PCSK5: variants seen among roughly 807,000 people sequenced by gnomAD.
PCSK5 encodes the protein proprotein convertase subtilisin/kexin type 5, also known as prohormone convertase 5.
PCSK5 carries 129 observed loss-of-function variants against 233.2 expected under a neutral mutation model. The observed-to-expected ratio is 0.55, with a 90% CI of 0.48 to 0.64. The LOEUF (loss-of-function observed/expected upper bound fraction) is 0.64. Ranked by LOEUF, PCSK5 falls within the 30% of genes least tolerant of loss-of-function variation. The probability of loss-of-function intolerance (pLI) is 0.00; values close to 1 mark genes in which losing one functional copy is unlikely to be tolerated. For synonymous variants in PCSK5, 825 were observed against 879.2 expected (o/e 0.94, Z 1.09); for missense variants, 2,076 against 2,430.1 (o/e 0.85, Z 3.06).
At chr9:75,995,913 A>G (rs567768661) in intron 3 of PCSK5, among the ~76,000 whole-genome samples, 13 of 152,252 alleles carry the variant, frequency 8.5e-5, no homozygotes, top group Admixed American at 2.6e-4. Flanking sequence ...GGTAGTAATC[A>G]TAATTTTCTG....
intron 20 of PCSK5, among the ~76,000 whole-genome samples, chr9:76,202,941 G>C (rs78822294): frequency 0.032 from 4,876 of 152,152 alleles, 259 homozygotes; most frequent in African/African-American, 0.11. Context: ...CTTGATAACT[G>C]TTATGGATAG....
chr9:76,222,845 T>C (rs1304568239), intron 20 of PCSK5, among the ~76,000 whole-genome samples: 2 of 146,932 alleles, frequency 1.4e-5, no homozygotes, highest in African/African-American at 2.4e-5. Flanking sequence ...GTATTTATTA[T>C]AGCTGGCGAA....
chr9:76,220,567 C>A (rs980137537), intron 20 of PCSK5, among the ~76,000 whole-genome samples: 14 of 149,690 alleles, frequency 9.4e-5, no homozygotes, highest in Admixed American at 4.0e-4. Flanking sequence ...GGTCTTTTAC[C>A]TCCATCCCAC....
intron 1 of PCSK5, among the ~76,000 whole-genome samples, chr9:75,903,703 A>G (rs1207268269): frequency 6.7e-6 from 1 of 150,192 alleles, no homozygotes; most frequent in East Asian, 1.9e-4. Context: ...AAGCTCTTAC[A>G]GCTGTAAAAA....
intron 5 of PCSK5, among the ~76,000 whole-genome samples, chr9:76,064,145 C>CCA (rs1830156061): frequency 1.1e-5 from 1 of 91,328 alleles, no homozygotes; most frequent in Admixed American, 1.0e-4. Context: ...CTGACCCCCC[C>CCA]ACCTCCCTCC....
chr9:76,134,807 G>A (rs1822905077), intron 10 of PCSK5, among the ~76,000 whole-genome samples: 1 of 151,842 alleles, frequency 6.6e-6, no homozygotes, highest in Non-Finnish European at 1.5e-5. Context: ...TTTTCCCATG[G>A]CTAATACAGA....
chr9:76,218,364 T>C (rs778028987), intron 20 of PCSK5, among the ~76,000 whole-genome samples: 6 of 152,148 alleles, frequency 3.9e-5, no homozygotes, highest in East Asian at 1.9e-4. Flanking sequence ...TGGAGGGTCA[T>C]TAATTTTAGC....
chr9:76,307,612 A>G (rs2889662), intron 28 of PCSK5, among the ~76,000 whole-genome samples: 1,538 of 152,238 alleles, frequency 0.01, 30 homozygotes, highest in African/African-American at 0.035. Flanking sequence ...AACACTTCCA[A>G]TGTTTCCTTG....
intron 13 of PCSK5, 55 bp downstream of exon 13, chr9:76,169,895 A>G (rs903926383): frequency 3.3e-6 from 5 of 1,506,756 alleles, no homozygotes; most frequent in Admixed American, 3.4e-5. Context: ...ATGATGGAGT[A>G]TATTTTGGCC....
chr9:76,264,434 C>T (rs1324268200), intron 24 of PCSK5, among the ~76,000 whole-genome samples: 1 of 152,016 alleles, frequency 6.6e-6, no homozygotes, highest in African/African-American at 2.4e-5. Flanking sequence ...AAAGCAATTG[C>T]AGCAAAAACA....
chr9:76,359,644 G>C lies in PCSK5; in HGVS notation c.*722G>C, dbSNP rs192787992. On this transcript the variant is annotated 3_prime_UTR_variant, in exon 38 of 38. Coordinates refer to ENST00000674117, the MANE Select transcript of PCSK5 (RefSeq NM_001372043.1). ...ATTCTAAAGGCAGAGCAAGCCCAGC[G>C]AGAAAGAAATAACTGAATTTCCAGG... 6.6e-6 allele frequency: 1 copy of C among 152,154 alleles called. No homozygotes were observed. The highest frequency in any genetic ancestry group is 1.5e-5 in the Non-Finnish European group (1 of 68,036). The allele number at this position is 152,154 out of a possible 1,614,324, so 9.4% of individuals were successfully genotyped here. A position where few individuals can be genotyped will look rare whatever the true frequency, so the allele number is the denominator to read the frequency against.
At chr9:76,263,983 G>C (rs1381305840) in intron 24 of PCSK5, among the ~76,000 whole-genome samples, 1 of 152,074 alleles carries the variant, frequency 6.6e-6, no homozygotes. Context: ...AACCAAAAAA[G>C]AGCCTGAATA....
At chr9:76,260,395 G>T (rs1388425451) in intron 24 of PCSK5, among the ~76,000 whole-genome samples, 2 of 152,178 alleles carry the variant, frequency 1.3e-5, no homozygotes, top group Non-Finnish European at 2.9e-5. Flanking sequence ...TTCTGAATTA[G>T]CTAAGTGGAC....
chr9:76,284,841 T>G (rs936990760), intron 24 of PCSK5, among the ~76,000 whole-genome samples: 1 of 152,122 alleles, frequency 6.6e-6, no homozygotes, highest in Admixed American at 6.6e-5. Flanking sequence ...CAAACCTCTT[T>G]TTCTTTTAAA....
chr9:76,216,180 A>G (rs988364559), intron 20 of PCSK5, among the ~76,000 whole-genome samples: 2 of 152,146 alleles, frequency 1.3e-5, no homozygotes, highest in African/African-American at 4.8e-5. Flanking sequence ...GCAAGTTCTC[A>G]GGTCCATATG....
At chr9:75,939,840 G>A (rs1022412704) in intron 2 of PCSK5, among the ~76,000 whole-genome samples, 5 of 151,678 alleles carry the variant, frequency 3.3e-5, no homozygotes, top group East Asian at 1.9e-4. Flanking sequence ...TCTATTATGG[G>A]CCAGTTTTTA....
rs1830429396 is a variant in PCSK5 at position 76,361,387 on chromosome 9, T to A, written c.*2465T>A. ...CTAACTAACTAAATAAATAAATAAA[T>A]AAAATTATCTCCTTGCCAGGACTGC... On this transcript the variant is annotated 3_prime_UTR_variant, in exon 38 of 38. Coordinates refer to ENST00000674117, the MANE Select transcript of PCSK5 (RefSeq NM_001372043.1). 6.6e-6 allele frequency: 1 copy of A among 151,800 alleles called. No homozygotes were observed. The highest frequency in any genetic ancestry group is 2.4e-5 in the African/African-American group (1 of 41,278). 9.4% of individuals were successfully genotyped at this position (151,800 alleles called of 1,614,324 possible).
At chr9:76,086,861 A>G (rs370077642) in intron 7 of PCSK5, among the ~76,000 whole-genome samples, 2 of 152,212 alleles carry the variant, frequency 1.3e-5, no homozygotes, top group Non-Finnish European at 2.9e-5. Flanking sequence ...CCAACTTTAC[A>G]TAATATCCAT....
At chr9:76,330,378 T>C (rs951285305) in intron 33 of PCSK5, among the ~76,000 whole-genome samples, 5 of 152,164 alleles carry the variant, frequency 3.3e-5, no homozygotes, top group Admixed American at 6.5e-5. Context: ...GAGATGAATA[T>C]GGTGAAGACC....
Sources: allele counts gnomAD v4.1 joint callset (sites outside exome capture counted in the v4.1 genomes callset), GRCh38; gene constraint gnomAD v4.1.1; transcripts MANE v1.5; gene names NCBI Gene and HGNC (gene_info 2026-07-23, HGNC 2026-07-21).